The following TTC7B variants were observed in gnomAD, a reference collection of about 807,000 sequenced individuals.
TTC7B encodes tetratricopeptide repeat protein 7B.
TTC7B carries 28 observed loss-of-function variants against 106.8 expected under a neutral mutation model. The observed-to-expected ratio is 0.26, with a 90% CI of 0.19 to 0.36. The LOEUF (loss-of-function observed/expected upper bound fraction) is 0.36. Ranked by LOEUF, TTC7B falls within the 10% of genes least tolerant of loss-of-function variation. The probability of loss-of-function intolerance (pLI) is 1.00; values close to 1 mark genes in which losing one functional copy is unlikely to be tolerated. For synonymous variants in TTC7B, 405 were observed against 430.6 expected, an observed-to-expected ratio of 0.94 and a Z score of 0.74; for missense variants, 862 against 1,076.4, an observed-to-expected ratio of 0.80 and a Z score of 2.79.
At position 90,538,265 on chromosome 14, in the gene TTC7B, T is replaced by C. The variant is rs1278992898; in HGVS notation, c.*3103A>G. On this transcript the variant is annotated 3_prime_UTR_variant, in exon 20 of 20. Transcript: ENST00000328459. Reference sequence around the variant, plus strand: ...ACGGATGGATGGATGGATGGATGGATGGATGGATGGATGGATGGACGGACG... The same window carrying C: ...ACGGATGGATGGATGGATGGATGGACGGATGGATGGATGGATGGACGGACG... 1 of 151,266 alleles carries C rather than the reference T, an allele frequency of 6.6e-6. No homozygotes were observed. Among genetic ancestry groups the C allele is most frequent in the Non-Finnish European group, 1.5e-5 (1 of 67,834 alleles). The allele number at this position is 151,266 out of a possible 1,614,324, so 9.4% of individuals were successfully genotyped here.
chr14:90,615,686 T>G (rs941694656), intron 16 of TTC7B, among the ~76,000 whole-genome samples: 15 of 152,138 alleles, frequency 9.9e-5, no homozygotes, highest in African/African-American at 1.4e-4. Context: ...CAGGGTCACC[T>G]CTTACCGAGC....
chr14:90,610,599 A>T, intron 17 of TTC7B, 143 bp downstream of exon 17: 1 of 656,654 alleles, frequency 1.5e-6, no homozygotes. Flanking sequence ...CACTGGAGCA[A>T]TGCACCTCGG....
chr14:90,579,815 AAAC>A (rs1285792838), intron 18 of TTC7B, among the ~76,000 whole-genome samples: 1 of 152,174 alleles, frequency 6.6e-6, no homozygotes, highest in Admixed American at 6.5e-5. Context: ...AAAAAACACC[AAAC>A]AACAACAACA....
At chr14:90,778,078 G>A (rs975166475) in intron 3 of TTC7B, among the ~76,000 whole-genome samples, 10 of 152,034 alleles carry the variant, frequency 6.6e-5, no homozygotes, top group South Asian at 4.1e-4. Context: ...GCTCATAACC[G>A]TCCCTCTACA....
At chr14:90,811,412 C>T (rs921500562) in intron 1 of TTC7B, among the ~76,000 whole-genome samples, 4 of 152,150 alleles carry the variant, frequency 2.6e-5, no homozygotes, top group Non-Finnish European at 5.9e-5. Flanking sequence ...AGCAGTGACT[C>T]TCAGTTAAAC....
intron 7 of TTC7B, among the ~76,000 whole-genome samples, chr14:90,687,994 G>A (rs773430823): frequency 1.3e-5 from 2 of 152,224 alleles, no homozygotes; most frequent in Non-Finnish European, 2.9e-5. Context: ...TCAGATGTTT[G>A]AAATCTTGAT....
intron 18 of TTC7B, among the ~76,000 whole-genome samples, chr14:90,580,558 C>G (rs762899324): frequency 3.9e-5 from 6 of 152,168 alleles, no homozygotes; most frequent in Non-Finnish European, 5.9e-5. Context: ...TGGCACACTG[C>G]CCTTATCTGC....
chr14:90,718,143 T>C (rs1888733679), intron 5 of TTC7B, among the ~76,000 whole-genome samples: 1 of 152,226 alleles, frequency 6.6e-6, no homozygotes, highest in South Asian at 2.1e-4. Flanking sequence ...AAGAGCTACA[T>C]ATTTGAAGTC....
chr14:90,566,637 C>T (rs1890812700), intron 19 of TTC7B, among the ~76,000 whole-genome samples: 1 of 152,132 alleles, frequency 6.6e-6, no homozygotes, highest in South Asian at 2.1e-4. Context: ...AGGAAGCCAA[C>T]TGGAGGAGGG....
chr14:90,556,856 C>T (rs960001680), intron 19 of TTC7B, among the ~76,000 whole-genome samples: 5 of 152,182 alleles, frequency 3.3e-5, no homozygotes, highest in African/African-American at 1.2e-4. Flanking sequence ...GGACCACTGC[C>T]TCCACAGGGG....
chr14:90,619,164 T>G (rs1253762601), intron 15 of TTC7B, among the ~76,000 whole-genome samples: 12 of 152,178 alleles, frequency 7.9e-5, no homozygotes, highest in Non-Finnish European at 1.6e-4. Context: ...GCTGGGATTA[T>G]AGGCATGAGC....
At chr14:90,739,266 T>C (rs927791348) in intron 4 of TTC7B, among the ~76,000 whole-genome samples, 3 of 152,208 alleles carry the variant, frequency 2.0e-5, no homozygotes, top group African/African-American at 7.2e-5. Context: ...CCTTCTGGCT[T>C]TGGCCTGAGT....
chr14:90,641,948 T>C (rs1885196527), intron 15 of TTC7B, among the ~76,000 whole-genome samples: 1 of 151,910 alleles, frequency 6.6e-6, no homozygotes, highest in African/African-American at 2.4e-5. Flanking sequence ...TGTGTGTGTG[T>C]GTGTGTGTGT....
In TTC7B at chr14:90,751,668, G is replaced by T. The variant is rs1367667116; in HGVS notation, c.446-6746C>A. Among the ~76,000 whole-genome samples the T allele has an allele frequency of 3.9e-5, 6 of 151,920 alleles. No individual in the cohort carries two copies. In the East Asian group the frequency reaches 1.2e-3, roughly 29 times the overall value. On this transcript the variant is annotated intron_variant, in intron 3 of 19. Coordinates refer to ENST00000328459, the MANE Select transcript of TTC7B (RefSeq NM_001010854.2). Reference sequence around the variant, plus strand: ...TGGTCTCAAACTCCTGACCTCAAGAGATGCTCCTGCCTTGGCCTCCCAAAG... The same window carrying T: ...TGGTCTCAAACTCCTGACCTCAAGATATGCTCCTGCCTTGGCCTCCCAAAG...
chr14:90,751,788 A>C (rs1885030), intron 3 of TTC7B, among the ~76,000 whole-genome samples: 101,021 of 151,836 alleles, frequency 0.67, 34,386 homozygotes, highest in African/African-American at 0.81. Context: ...CTTGCTTTCA[A>C]ACCCCTTCCA....
rs1327846938 is a variant in TTC7B at position 90,553,483 on chromosome 14, C to G, written c.2311-11894G>C. Among the ~76,000 whole-genome samples, 4 of 152,328 alleles carry G rather than the reference C, an allele frequency of 2.6e-5. No homozygotes were observed. In the East Asian group the frequency reaches 7.7e-4, roughly 29 times the overall value. ...CTGCTGTCCCTCATGGGCAGCACCC[C>G]CTCCAGGGACCAGGAGCTTGTGATT... On this transcript the variant is annotated intron_variant, in intron 19 of 19. Coordinates refer to ENST00000328459, the MANE Select transcript of TTC7B (RefSeq NM_001010854.2).
intron 18 of TTC7B, among the ~76,000 whole-genome samples, chr14:90,580,932 G>A (rs1299941072): frequency 6.6e-6 from 1 of 152,220 alleles, no homozygotes; most frequent in Non-Finnish European, 1.5e-5. Context: ...TCATGGCTGT[G>A]GTTAGTGGCG....
intron 5 of TTC7B, among the ~76,000 whole-genome samples, chr14:90,705,292 G>A (rs901222442): frequency 1.3e-5 from 2 of 152,116 alleles, no homozygotes; most frequent in Non-Finnish European, 2.9e-5. Context: ...CTGGTTCCAT[G>A]CCATTCCCCA....
chr14:90,642,788 A>C (rs1885238943), intron 15 of TTC7B: 1 of 152,204 alleles, frequency 6.6e-6, no homozygotes, highest in Non-Finnish European at 1.5e-5. Flanking sequence ...GGTTACGTAT[A>C]ATATTGATTG....
Sources: gnomAD v4.1 joint callset for allele counts (sites outside exome capture counted in the v4.1 genomes callset) on GRCh38, gnomAD v4.1.1 for gene constraint, MANE v1.5 for transcripts, NCBI Gene and HGNC (gene_info 2026-07-23, HGNC 2026-07-21) for gene names.